The following CAMK2D variants were observed in gnomAD, a reference collection of about 807,000 sequenced individuals.
CAMK2D encodes the protein calcium/calmodulin-dependent protein kinase type II subunit delta.
Under a neutral mutation model 84.0 loss-of-function variants are expected in CAMK2D, and 37 were observed. The observed-to-expected ratio is 0.44, with a 90% CI of 0.34 to 0.58. The LOEUF (loss-of-function observed/expected upper bound fraction) is 0.58. Ranked by LOEUF, CAMK2D falls within the 20% of genes least tolerant of loss-of-function variation. The pLI, the probability that CAMK2D is intolerant of heterozygous loss-of-function variation, is 0.02. For synonymous variants in CAMK2D, 202 were observed against 212.5 expected (o/e 0.95, Z 0.43); for missense variants, 448 against 652.5 (o/e 0.69, Z 3.41).
At chr4:113,462,832 C>A (rs1021018858) in intron 17 of CAMK2D, among the ~76,000 whole-genome samples, 2 of 150,302 alleles carry the variant, frequency 1.3e-5, no homozygotes, top group African/African-American at 4.9e-5. Flanking sequence ...TATCATTCCA[C>A]AAGGAAATGC....
At chr4:113,741,704 G>C (rs1418755084) in intron 2 of CAMK2D, among the ~76,000 whole-genome samples, 1 of 152,022 alleles carries the variant, frequency 6.6e-6, no homozygotes, top group Admixed American at 6.6e-5. Flanking sequence ...TCCTTAAACG[G>C]CTTATCAATG....
intron 12 of CAMK2D, 155 bp downstream of exon 12, chr4:113,513,173 C>A (rs914078455): frequency 1.6e-5 from 16 of 984,804 alleles, no homozygotes; most frequent in Middle Eastern, 5.2e-4. Flanking sequence ...CTAATGGCAG[C>A]CATAGGTGTA....
chr4:113,460,495 G>T (rs1004715598), intron 17 of CAMK2D, among the ~76,000 whole-genome samples: 1 of 151,848 alleles, frequency 6.6e-6, no homozygotes, highest in Admixed American at 6.6e-5. Context: ...CAATATTTTA[G>T]GAGGCCCCTT....
At chr4:113,481,096 T>TCGGTG (rs1457344193) in intron 16 of CAMK2D, among the ~76,000 whole-genome samples, 3 of 152,240 alleles carry the variant, frequency 2.0e-5, no homozygotes, top group Admixed American at 6.5e-5. Flanking sequence ...ACATGCATTT[T>TCGGTG]CGGTGTTTTT....
chr4:113,568,357 C>T (rs1161270552), intron 4 of CAMK2D, among the ~76,000 whole-genome samples: 1 of 152,162 alleles, frequency 6.6e-6, no homozygotes, highest in African/African-American at 2.4e-5. Context: ...GCTTATTTCT[C>T]TTAGCCTAAT....
chr4:113,597,566 C>G (rs914233649), intron 4 of CAMK2D, among the ~76,000 whole-genome samples: 1 of 152,228 alleles, frequency 6.6e-6, no homozygotes, highest in Non-Finnish European at 1.5e-5. Flanking sequence ...AATGTTATAA[C>G]TGGTTTGATC....
At chr4:113,535,976 A>T (rs1347724146) in intron 7 of CAMK2D, among the ~76,000 whole-genome samples, 1 of 152,134 alleles carries the variant, frequency 6.6e-6, no homozygotes, top group Non-Finnish European at 1.5e-5. Flanking sequence ...TGATAGCCCC[A>T]CTACTTCCTG....
intron 2 of CAMK2D, among the ~76,000 whole-genome samples, chr4:113,674,816 T>C (rs1247827936): frequency 2.0e-5 from 3 of 152,026 alleles, no homozygotes; most frequent in African/African-American, 4.8e-5. Context: ...GTGGGTTTTT[T>C]GTATCACAGT....
At chr4:113,602,213 G>C (rs1230553721) in intron 4 of CAMK2D, among the ~76,000 whole-genome samples, 2 of 151,872 alleles carry the variant, frequency 1.3e-5, no homozygotes, top group African/African-American at 4.8e-5. Context: ...GGCAAACGTT[G>C]TATTGTACTG....
chr4:113,489,127 G>A (rs4834341), intron 16 of CAMK2D, among the ~76,000 whole-genome samples: 82,754 of 151,694 alleles, frequency 0.55, 23,106 homozygotes, highest in African/African-American at 0.65. Context: ...TAGTATATGC[G>A]GACAGTAATT....
At chr4:113,596,481 G>A (rs562825932) in intron 4 of CAMK2D, among the ~76,000 whole-genome samples, 18 of 152,282 alleles carry the variant, frequency 1.2e-4, no homozygotes, top group African/African-American at 4.3e-4. Context: ...ATCTAAGGCA[G>A]CTATCGCCTT....
chr4:113,718,937 A>G (rs774794102), intron 2 of CAMK2D, among the ~76,000 whole-genome samples: 18 of 152,218 alleles, frequency 1.2e-4, no homozygotes, highest in Non-Finnish European at 2.4e-4. Context: ...AAACCTAAAT[A>G]CTACTAAATA....
intron 7 of CAMK2D, among the ~76,000 whole-genome samples, chr4:113,533,659 ATCTT>A (rs2098472065): frequency 6.6e-6 from 1 of 150,414 alleles, no homozygotes; most frequent in Non-Finnish European, 1.5e-5. Context: ...CTTGGTAGTT[ATCTT>A]TTTTTTTTCT....
At position 113,517,547 on chromosome 4, in the gene CAMK2D, A is replaced by C. The variant is rs186861512; in HGVS notation, c.696+16T>G. The C allele has an allele frequency of 3.5e-5, 44 of 1,251,066 alleles. No homozygotes were observed. The East Asian group carries it at 9.0e-4, about 26-fold the overall frequency. The allele number at this position is 1,251,066 out of a possible 1,614,324, so 77.5% of individuals were successfully genotyped here. On this transcript the variant is annotated intron_variant, in intron 9 of 20. Transcript: ENST00000511664. ...ACAAACCTTCATCTAAAGTGATATA[A>C]ATAGTTATTACATACATCATAAGCT...
At chr4:113,719,493 C>A (rs375548966) in intron 2 of CAMK2D, among the ~76,000 whole-genome samples, 28 of 152,294 alleles carry the variant, frequency 1.8e-4, no homozygotes, top group African/African-American at 5.5e-4. Context: ...CTACTCAATT[C>A]GTGAATTGCT....
chr4:113,507,621 T>A (rs576994884), intron 13 of CAMK2D, among the ~76,000 whole-genome samples: 1 of 145,176 alleles, frequency 6.9e-6, no homozygotes, highest in Non-Finnish European at 1.6e-5. Flanking sequence ...GTGATATAAT[T>A]ATTTTATGTT....
At chr4:113,550,612 C>G (rs183188790) in intron 5 of CAMK2D, among the ~76,000 whole-genome samples, 1 of 152,120 alleles carries the variant, frequency 6.6e-6, no homozygotes, top group Non-Finnish European at 1.5e-5. Context: ...TTTTTCAAAC[C>G]AAGTAACAGC....
chr4:113,721,625 G>A (rs2099530689), intron 2 of CAMK2D, among the ~76,000 whole-genome samples: 1 of 152,284 alleles, frequency 6.6e-6, no homozygotes, highest in African/African-American at 2.4e-5. Flanking sequence ...TTAAGCTGAA[G>A]ACATCTGTGA....
At chr4:113,615,472 A>T (rs1224287684) in intron 3 of CAMK2D, among the ~76,000 whole-genome samples, 1 of 152,116 alleles carries the variant, frequency 6.6e-6, no homozygotes, top group Non-Finnish European at 1.5e-5. Flanking sequence ...AAACTTTTCA[A>T]ATAGAAAACA....
Sources: gnomAD v4.1 joint callset for allele counts (sites outside exome capture counted in the v4.1 genomes callset) on GRCh38, gnomAD v4.1.1 for gene constraint, MANE v1.5 for transcripts, NCBI Gene and HGNC (gene_info 2026-07-23, HGNC 2026-07-21) for gene names.